The following FRMD4B variants were observed in gnomAD, a reference collection of about 807,000 sequenced individuals.
The protein encoded by FRMD4B is FERM domain-containing protein 4B.
In FRMD4B, 74 loss-of-function variants were observed where a neutral mutation model predicts 141.5. The ratio of observed to expected loss-of-function variants is 0.52; its 90% CI spans 0.43 to 0.63. FRMD4B has a LOEUF of 0.63. Among genes scored for constraint, FRMD4B ranks in the 30% least tolerant of loss-of-function variants. The probability of loss-of-function intolerance (pLI) is 0.00; values close to 1 mark genes in which losing one functional copy is unlikely to be tolerated. For missense variants in FRMD4B, 1,366 were observed against 1,253.4 expected, an observed-to-expected ratio of 1.09 and a Z score of -1.36; for synonymous variants, 506 against 467.9, an observed-to-expected ratio of 1.08 and a Z score of -1.05.
chr3:69,448,406 T>C (rs934790077), intron 1 of FRMD4B, among the ~76,000 whole-genome samples: 5 of 152,244 alleles, frequency 3.3e-5, no homozygotes, highest in African/African-American at 1.2e-4. Context: ...TGAGATTCTA[T>C]GATCAGGGAA....
chr3:69,532,930 G>A (rs909445865), intron 1 of FRMD4B, among the ~76,000 whole-genome samples: 3 of 152,196 alleles, frequency 2.0e-5, no homozygotes, highest in Non-Finnish European at 2.9e-5. Flanking sequence ...GGGCTGTGAC[G>A]GGCCCCATGC....
At chr3:69,202,581 A>C (rs2092979711) in intron 11 of FRMD4B, among the ~76,000 whole-genome samples, 1 of 152,164 alleles carries the variant, frequency 6.6e-6, no homozygotes, top group South Asian at 2.1e-4. Flanking sequence ...GCATAATAAT[A>C]ATCATTAATG....
At chr3:69,485,101 T>TC (rs1706192617) in intron 1 of FRMD4B, among the ~76,000 whole-genome samples, 9 of 151,594 alleles carry the variant, frequency 5.9e-5, no homozygotes, top group Admixed American at 5.3e-4. Context: ...CCCCTCAACT[T>TC]CCCCTCCCCT....
intron 2 of FRMD4B, among the ~76,000 whole-genome samples, chr3:69,421,785 T>C (rs1401691676): frequency 6.6e-6 from 1 of 152,244 alleles, no homozygotes; most frequent in Non-Finnish European, 1.5e-5. Flanking sequence ...TCCAGCTTTG[T>C]AGAAAATTCT....
At chr3:69,274,750 C>G (rs2093610421) in intron 5 of FRMD4B, among the ~76,000 whole-genome samples, 1 of 152,182 alleles carries the variant, frequency 6.6e-6, no homozygotes, top group Non-Finnish European at 1.5e-5. Context: ...TACTCCTGGC[C>G]TCAAGTGATC....
chr3:69,393,017 C>G (rs574840739), intron 2 of FRMD4B, among the ~76,000 whole-genome samples: 1 of 152,194 alleles, frequency 6.6e-6, no homozygotes, highest in East Asian at 1.9e-4. Context: ...GAGGAAGTAG[C>G]CATTGTCCCC....
At chr3:69,205,290 T>C (rs926655163) in intron 11 of FRMD4B, among the ~76,000 whole-genome samples, 6 of 151,850 alleles carry the variant, frequency 4.0e-5, no homozygotes, top group Non-Finnish European at 8.8e-5. Context: ...ATCTCGACCT[T>C]CTGAGTAGCT....
chr3:69,245,664 C>CTTTTT (rs71115668), intron 7 of FRMD4B, among the ~76,000 whole-genome samples: 4 of 102,472 alleles, frequency 3.9e-5, no homozygotes, highest in African/African-American at 3.5e-5. Flanking sequence ...ATTTTCTTTT[C>CTTTTT]TTTTTTTTTT....
At chr3:69,316,418 T>C (rs1028013589) in intron 1 of FRMD4B, among the ~76,000 whole-genome samples, 2 of 151,928 alleles carry the variant, frequency 1.3e-5, no homozygotes, top group Non-Finnish European at 2.9e-5. Context: ...GACAGGAAAT[T>C]GAGGTACAGA....
chr3:69,499,884 G>A (rs976073506), intron 1 of FRMD4B, among the ~76,000 whole-genome samples: 7 of 152,200 alleles, frequency 4.6e-5, no homozygotes, highest in South Asian at 2.1e-4. Flanking sequence ...TGGCCTCTCC[G>A]GCCTTCCTGT....
At chr3:69,496,630 AGAGAGAAAG>A (rs1706397662) in intron 1 of FRMD4B, among the ~76,000 whole-genome samples, 17 of 90,028 alleles carry the variant, frequency 1.9e-4, no homozygotes, top group Non-Finnish European at 3.1e-4. Flanking sequence ...AGAGAGAGAG[AGAGAGAAAG>A]AGAGAGAGAG....
At chr3:69,318,349 G>A (rs1400609705) in intron 1 of FRMD4B, among the ~76,000 whole-genome samples, 1 of 152,174 alleles carries the variant, frequency 6.6e-6, no homozygotes, top group Admixed American at 6.5e-5. Context: ...AAGCAAAAGA[G>A]TTCCAAAGCA....
intron 2 of FRMD4B, among the ~76,000 whole-genome samples, chr3:69,400,171 A>G (rs1704537510): frequency 6.6e-6 from 1 of 151,672 alleles, no homozygotes; most frequent in South Asian, 2.1e-4. Context: ...GGATCACTTG[A>G]GGCCAGGAGT....
chr3:69,262,546 G>A (rs113143103), intron 5 of FRMD4B, among the ~76,000 whole-genome samples: 5,127 of 126,602 alleles, frequency 0.04, 146 homozygotes, highest in East Asian at 0.13. Context: ...ACTCATCATC[G>A]CCTCCCAGGT....
intron 19 of FRMD4B, among the ~76,000 whole-genome samples, chr3:69,184,915 A>C (rs889237244): frequency 2.0e-5 from 3 of 152,214 alleles, no homozygotes; most frequent in Non-Finnish European, 4.4e-5. Flanking sequence ...AGCTCCTTGG[A>C]TCTCTTACCA....
chr3:69,315,651 T>C (rs1424596026), intron 1 of FRMD4B, among the ~76,000 whole-genome samples: 1 of 152,240 alleles, frequency 6.6e-6, no homozygotes, highest in Non-Finnish European at 1.5e-5. Context: ...CACATATAGA[T>C]GGACCTCATT....
At chr3:69,257,445 G>C (rs12638290) in intron 5 of FRMD4B, among the ~76,000 whole-genome samples, 61,630 of 151,898 alleles carry the variant, frequency 0.41, 12,934 homozygotes, top group East Asian at 0.46. Flanking sequence ...TTACCTTAAT[G>C]ACCACTCTGA....
At chr3:69,400,443 T>A (rs1358181563) in intron 2 of FRMD4B, among the ~76,000 whole-genome samples, 2 of 151,908 alleles carry the variant, frequency 1.3e-5, no homozygotes, top group Non-Finnish European at 2.9e-5. Flanking sequence ...GAGCCAAGAA[T>A]AATAAGGCTT....
chr3:69,388,195 C>G (rs991250141), upstream of FRMD4B, among the ~76,000 whole-genome samples: 3 of 151,994 alleles, frequency 2.0e-5, no homozygotes, highest in African/African-American at 7.3e-5. Context: ...CTCATGACAC[C>G]ATCCTCTCAG....
Sources: allele counts gnomAD v4.1 joint callset (sites outside exome capture counted in the v4.1 genomes callset), GRCh38; gene constraint gnomAD v4.1.1; transcripts MANE v1.5; gene names NCBI Gene and HGNC (gene_info 2026-07-23, HGNC 2026-07-21).